The following CSF1 variants were observed in gnomAD, a reference collection of about 807,000 sequenced individuals.
The protein encoded by CSF1 is colony stimulating factor 1.
In CSF1, 9 loss-of-function variants were observed where a neutral mutation model predicts 48.9. The ratio of observed to expected loss-of-function variants is 0.18; its 90% confidence interval spans 0.11 to 0.32. The LOEUF is 0.32. Ranked by LOEUF, CSF1 falls within the 10% of genes least tolerant of loss-of-function variation. The pLI is 1.00. For missense variants in CSF1, 672 were observed against 697.9 expected (o/e 0.96, Z 0.42); for synonymous variants, 305 against 284.1 (o/e 1.07, Z -0.74).
chr1:109,923,039 A>C, intron 5 of CSF1, 127 bp from the exon 6 acceptor site: 1 of 878,410 alleles, frequency 1.1e-6, no homozygotes, highest in Non-Finnish European at 1.7e-6. Flanking sequence ...CCCAGGGCTG[A>C]GCTAGGAGAT....
At chr1:109,913,941 T>C (rs1242864428) in intron 1 of CSF1, among the ~76,000 whole-genome samples, 2 of 152,238 alleles carry the variant, frequency 1.3e-5, no homozygotes, top group South Asian at 4.1e-4. Context: ...TCGAGTTTCC[T>C]GTGTCATTAA....
intron 8 of CSF1, among the ~76,000 whole-genome samples, chr1:109,928,565 C>T (rs1263232025): frequency 6.6e-6 from 1 of 152,172 alleles, no homozygotes; most frequent in Non-Finnish European, 1.5e-5. Flanking sequence ...AACCCCTCTT[C>T]CCAGCCCTGC....
Position 109,925,150 on chromosome 1 carries a change from C to A in CSF1, c.1626C>A (p.Pro542=). The change falls in exon 8 of 9, where the codon CCC becomes CCA. Residue 542 remains proline (P), a synonymous_variant. Transcript: ENST00000329608. ...CAGCCCTGTGCTCTGCCTGCAGCCCCCTGACTCAGGATGACAGACAGGTGG... is the reference window on the plus strand; with the variant it reads ...CAGCCCTGTGCTCTGCCTGCAGCCCACTGACTCAGGATGACAGACAGGTGG... ...DSPLEQPEGS[P]LTQDDRQVEL... 6.2e-7 allele frequency: 1 copy of A among 1,613,916 alleles called. No individual in the cohort carries two copies. Among genetic ancestry groups the A allele is most frequent in the Non-Finnish European group, 8.5e-7 (1 of 1,179,946 alleles).
intron 4 of CSF1, among the ~76,000 whole-genome samples, chr1:109,919,078 T>G (rs559587776): frequency 6.6e-5 from 10 of 152,156 alleles, no homozygotes; most frequent in African/African-American, 2.4e-4. Context: ...AGGGCTAAAA[T>G]TGTCCATTGG....
At chr1:109,914,116 T>G in intron 1 of CSF1, 143 bp from the exon 2 acceptor site, 4 of 860,212 alleles carry the variant, frequency 4.7e-6, no homozygotes, top group African/African-American at 1.7e-5. Flanking sequence ...GAAAGCTGGA[T>G]TTGAGGGATG....
intron 1 of CSF1, among the ~76,000 whole-genome samples, chr1:109,912,959 C>T (rs1445773856): frequency 6.6e-6 from 1 of 152,148 alleles, no homozygotes; most frequent in Non-Finnish European, 1.5e-5. Context: ...TCCTTTGGCT[C>T]TTCCTTCCAT....
chr1:109,919,430 T>C (rs1368498711), intron 4 of CSF1, among the ~76,000 whole-genome samples: 1 of 152,156 alleles, frequency 6.6e-6, no homozygotes, highest in Non-Finnish European at 1.5e-5. Flanking sequence ...GGTTTCGCAA[T>C]GTTGCCCAGG....
At chr1:109,920,063 G>C (rs1234690109) in intron 4 of CSF1, among the ~76,000 whole-genome samples, 2 of 152,002 alleles carry the variant, frequency 1.3e-5, no homozygotes, top group African/African-American at 2.4e-5. Context: ...AGACATGTGT[G>C]AATGCTGAGG....
At chr1:109,914,673 T>A (rs1278958186) in intron 2 of CSF1, among the ~76,000 whole-genome samples, 1 of 152,236 alleles carries the variant, frequency 6.6e-6, no homozygotes, top group Non-Finnish European at 1.5e-5. Flanking sequence ...AACCACTGAT[T>A]CTGAAAAGGC....
intron 4 of CSF1, among the ~76,000 whole-genome samples, chr1:109,921,065 C>T (rs1332612059): frequency 4.6e-5 from 7 of 152,272 alleles, no homozygotes; most frequent in East Asian, 1.9e-4. Context: ...ATATGCCTGG[C>T]GGCTGCCCCG....
At chr1:109,915,037 G>A (rs1357286430) in intron 2 of CSF1, among the ~76,000 whole-genome samples, 1 of 152,268 alleles carries the variant, frequency 6.6e-6, no homozygotes, top group East Asian at 1.9e-4. Flanking sequence ...GGCCAGCCAG[G>A]CAGGGTGGGG....
intron 4 of CSF1, among the ~76,000 whole-genome samples, chr1:109,919,951 T>C (rs1462871176): frequency 6.8e-6 from 1 of 147,942 alleles, no homozygotes; most frequent in Non-Finnish European, 1.5e-5. Flanking sequence ...AATAAATAAA[T>C]AAATAAATAA....
intron 5 of CSF1, 84 bp from the exon 6 acceptor site, chr1:109,923,082 C>G: frequency 7.3e-7 from 1 of 1,362,930 alleles, no homozygotes; most frequent in Non-Finnish European, 9.9e-7. Flanking sequence ...CCCCTCTTGC[C>G]CCGCTCTGGG....
chr1:109,917,661 A>G (rs1251640799), intron 4 of CSF1, among the ~76,000 whole-genome samples, 198 bp downstream of exon 4: 1 of 152,218 alleles, frequency 6.6e-6, no homozygotes, highest in African/African-American at 2.4e-5. Context: ...CAATGTCATC[A>G]TGAGCAACAA....
In CSF1 at chr1:109,923,158, T is replaced by C; in HGVS notation, c.545-8T>C. 1.3e-6 allele frequency: 2 copies of C among 1,509,166 alleles called. No homozygotes were observed. The highest frequency in any genetic ancestry group is 1.8e-6 in the Non-Finnish European group (2 of 1,128,154). The allele number at this position is 1,509,166 out of a possible 1,614,324, so 93.5% of individuals were successfully genotyped here. The stretch of plus-strand genomic sequence containing the variant: ...CTTTCTCTCTCCTTCTCTCTGTGGT[T>C]CTTTCAGATGTGGTGACCAAGCCTG... On this transcript the variant is annotated splice_polypyrimidine_tract_variant and splice_region_variant and intron_variant, in intron 5 of 8. Coordinates refer to ENST00000329608, the MANE Select transcript of CSF1 (RefSeq NM_000757.6).
chr1:109,923,788 T>A lies in CSF1; in HGVS notation c.1167T>A (p.His389Gln), dbSNP rs2101654392. ...ATCACACCCCCCAGAAGACAGACCA[T>A]CCATCTGCCCTGCTCAGAGACCCCC... ...DWNHTPQKTD[H>Q]PSALLRDPPE... Residue 389 changes from histidine (H) to glutamine (Q), a missense_variant, in exon 6 of 9, where the codon CAT becomes CAA. Transcript: ENST00000329608. 6.2e-7 allele frequency: 1 copy of A among 1,608,484 alleles called. No individual in the cohort carries two copies. The highest frequency in any genetic ancestry group is 8.5e-7 in the Non-Finnish European group (1 of 1,177,238).
intron 1 of CSF1, among the ~76,000 whole-genome samples, chr1:109,912,747 C>T (rs1274231875): frequency 1.3e-5 from 2 of 152,152 alleles, no homozygotes; most frequent in South Asian, 2.1e-4. Flanking sequence ...GTAGATACAC[C>T]GTCTAGTGGC....
intron 5 of CSF1, 150 bp from the exon 6 acceptor site, chr1:109,923,016 T>A: frequency 1.4e-6 from 1 of 690,084 alleles, no homozygotes; most frequent in Non-Finnish European, 2.3e-6. Flanking sequence ...TCTAGTCCCA[T>A]CCTCTTCTCA....
chr1:109,919,874 G>A (rs924325913), intron 4 of CSF1, among the ~76,000 whole-genome samples: 2 of 151,884 alleles, frequency 1.3e-5, no homozygotes, highest in East Asian at 1.9e-4. Flanking sequence ...CAGTAGAATC[G>A]CTTGACCCAG....
Sources: gnomAD v4.1 joint callset for allele counts (sites outside exome capture counted in the v4.1 genomes callset) on GRCh38, gnomAD v4.1.1 for gene constraint, MANE v1.5 for transcripts, NCBI Gene and HGNC (gene_info 2026-07-23, HGNC 2026-07-21) for gene names.